GABBR2: variants seen among roughly 807,000 people sequenced by gnomAD.
GABBR2 encodes gamma-aminobutyric acid type B receptor subunit 2.
Under a neutral mutation model 105.6 loss-of-function variants are expected in GABBR2, and 23 were observed. The ratio of observed to expected loss-of-function variants is 0.22; its 90% CI spans 0.16 to 0.31. The LOEUF (loss-of-function observed/expected upper bound fraction) is 0.31. GABBR2 is among the 10% of genes least tolerant of loss of function. GABBR2 has a pLI of 1.00. For synonymous variants in GABBR2, 478 were observed against 499.7 expected, an observed-to-expected ratio of 0.96 and a Z score of 0.58; for missense variants, 734 against 1,245.5, an observed-to-expected ratio of 0.59 and a Z score of 6.18.
chr9:98,631,466 G>A (rs1488915967), intron 1 of GABBR2, among the ~76,000 whole-genome samples: 1 of 152,162 alleles, frequency 6.6e-6, no homozygotes, highest in East Asian at 1.9e-4. Context: ...AACACATTGA[G>A]GATAAAACAG....
chr9:98,706,573 G>T (rs1483881664), intron 1 of GABBR2, among the ~76,000 whole-genome samples: 1 of 152,124 alleles, frequency 6.6e-6, no homozygotes, highest in African/African-American at 2.4e-5. Flanking sequence ...AAAATAAAAT[G>T]TAAAGGCTTC....
intron 1 of GABBR2, among the ~76,000 whole-genome samples, chr9:98,703,847 T>G (rs902917099): frequency 2.0e-5 from 3 of 151,642 alleles, no homozygotes; most frequent in African/African-American, 7.3e-5. Flanking sequence ...AATTAAAAAT[T>G]TATATTTTAT....
At chr9:98,577,053 T>C (rs1406011423) in intron 2 of GABBR2, among the ~76,000 whole-genome samples, 1 of 151,240 alleles carries the variant, frequency 6.6e-6, no homozygotes, top group African/African-American at 2.4e-5. Flanking sequence ...GGTGGATGGA[T>C]GGATGGACAG....
chr9:98,606,944 C>T (rs1247700697), intron 1 of GABBR2: 1 of 711,902 alleles, frequency 1.4e-6, no homozygotes, highest in Non-Finnish European at 2.6e-6. Flanking sequence ...CTTCTTCCTG[C>T]TTGCCCGCGG....
intron 13 of GABBR2, among the ~76,000 whole-genome samples, chr9:98,325,283 C>CTTTTTT (rs886288539): frequency 8.9e-5 from 6 of 67,616 alleles, no homozygotes; most frequent in African/African-American, 1.3e-4. Context: ...GACAGCAATT[C>CTTTTTT]TTTTTTTTTT....
chr9:98,447,016 CCT>C (rs1228705876), intron 7 of GABBR2, among the ~76,000 whole-genome samples: 2 of 151,708 alleles, frequency 1.3e-5, no homozygotes, highest in Admixed American at 6.6e-5. Context: ...TTCCCGGTGC[CCT>C]GTTTCTTGTC....
chr9:98,685,545 T>G (rs1465952047), intron 1 of GABBR2, among the ~76,000 whole-genome samples: 2 of 152,240 alleles, frequency 1.3e-5, no homozygotes, highest in Admixed American at 6.5e-5. Flanking sequence ...GCACACCTTC[T>G]GATTTAAATT....
intron 4 of GABBR2, among the ~76,000 whole-genome samples, chr9:98,484,513 T>C (rs549658165): frequency 5.1e-4 from 78 of 151,902 alleles, no homozygotes; most frequent in Non-Finnish European, 9.3e-4. Context: ...CGCTGCCAAG[T>C]CTGGAAGGAA....
intron 13 of GABBR2, among the ~76,000 whole-genome samples, chr9:98,327,557 A>T (rs1212939346): frequency 6.6e-6 from 1 of 152,186 alleles, no homozygotes; most frequent in Non-Finnish European, 1.5e-5. Context: ...TTTAACAAAT[A>T]AAATTAAATT....
At chr9:98,294,020 C>G (rs548491591) in intron 17 of GABBR2, 118 bp from the exon 18 acceptor site, 1 of 721,738 alleles carries the variant, frequency 1.4e-6, no homozygotes. Context: ...GCCCATTATC[C>G]CTCTGTGTTC....
intron 1 of GABBR2, among the ~76,000 whole-genome samples, chr9:98,651,017 A>G (rs1830095146): frequency 1.3e-5 from 2 of 152,212 alleles, no homozygotes; most frequent in South Asian, 2.1e-4. Flanking sequence ...GGTTGGCCAC[A>G]ATGTGAATAT....
At chr9:98,417,700 T>C (rs1452207392) in intron 7 of GABBR2, among the ~76,000 whole-genome samples, 1 of 152,172 alleles carries the variant, frequency 6.6e-6, no homozygotes. Context: ...CGTTGTCTTC[T>C]AGAAGCTCCC....
chr9:98,654,223 A>G (rs1409012085), intron 1 of GABBR2, among the ~76,000 whole-genome samples: 3 of 152,206 alleles, frequency 2.0e-5, no homozygotes, highest in Non-Finnish European at 2.9e-5. Context: ...CCCTGACACC[A>G]CGGTGCGCTC....
intron 7 of GABBR2, among the ~76,000 whole-genome samples, chr9:98,442,014 G>T (rs7045142): frequency 6.6e-6 from 1 of 152,132 alleles, no homozygotes; most frequent in Non-Finnish European, 1.5e-5. Flanking sequence ...TCTTTGGTGC[G>T]TGCCTGTACT....
chr9:98,296,651 A>G (rs568292269), intron 17 of GABBR2, among the ~76,000 whole-genome samples: 1 of 152,374 alleles, frequency 6.6e-6, no homozygotes, highest in Admixed American at 6.5e-5. Context: ...TCATCTTTTC[A>G]TAAGTGTAAG....
chr9:98,491,921 G>A (rs796458844), intron 4 of GABBR2, among the ~76,000 whole-genome samples: 7 of 152,076 alleles, frequency 4.6e-5, no homozygotes, highest in African/African-American at 1.2e-4. Flanking sequence ...GTATGCCATC[G>A]CTTTTGGCTG....
chr9:98,467,411 T>C (rs981744375), intron 6 of GABBR2, among the ~76,000 whole-genome samples: 36 of 152,188 alleles, frequency 2.4e-4, no homozygotes, highest in African/African-American at 8.2e-4. Flanking sequence ...CCCAGTGTCA[T>C]GAGTGCCTAG....
At chr9:98,555,381 GTTTGTTAA>G (rs1431394148) in intron 2 of GABBR2, among the ~76,000 whole-genome samples, 1 of 151,548 alleles carries the variant, frequency 6.6e-6, no homozygotes, top group Non-Finnish European at 1.5e-5. Flanking sequence ...TTTTAAAATG[GTTTGTTAA>G]TTAAACAAAT....
chr9:98,694,179 T>C (rs1830719551), intron 1 of GABBR2, among the ~76,000 whole-genome samples: 2 of 152,256 alleles, frequency 1.3e-5, no homozygotes, highest in Non-Finnish European at 2.9e-5. Flanking sequence ...GTATTTCATA[T>C]TTTAAGCTGG....
Sources: allele counts gnomAD v4.1 joint callset (sites outside exome capture counted in the v4.1 genomes callset), GRCh38; gene constraint gnomAD v4.1.1; transcripts MANE v1.5; gene names NCBI Gene and HGNC (gene_info 2026-07-23, HGNC 2026-07-21).